CCT8: variants seen among roughly 807,000 people sequenced by gnomAD.
The protein encoded by CCT8 is T-complex protein 1 subunit theta.
CCT8 carries 10 observed loss-of-function variants against 65.7 expected under a neutral mutation model. The ratio of observed to expected loss-of-function variants is 0.15; its 90% CI spans 0.09 to 0.26. CCT8 has a LOEUF of 0.26. Ranked by LOEUF, CCT8 falls within the 10% of genes least tolerant of loss-of-function variation. The pLI, the probability that CCT8 is intolerant of heterozygous loss-of-function variation, is 1.00. For synonymous variants in CCT8, 199 were observed against 221.8 expected (o/e 0.90, Z 0.92); for missense variants, 568 against 669.1 (o/e 0.85, Z 1.67).
intron 3 of CCT8, 54 bp from the exon 4 acceptor site, chr21:29,067,759 A>G: frequency 7.7e-7 from 1 of 1,293,548 alleles, no homozygotes; most frequent in Non-Finnish European, 1.0e-6. Context: ...GCAACATAAA[A>G]TTGTTCATTT....
rs144608548 is a variant in CCT8, at chr21:29,068,151, A to G, written c.232-446T>C. Among the ~76,000 whole-genome samples, 467 of 152,318 alleles carry G rather than the reference A, an allele frequency of 3.1e-3. 4 individuals are homozygous for G. Among genetic ancestry groups the G allele is most frequent in the African/African-American group, 0.011 (439 of 41,570 alleles). On this transcript the variant is annotated intron_variant, in intron 3 of 14. Transcript: ENST00000286788. ...AAGGGTTATCATTTGTGATTTAAAG[A>G]AAAGGGGGAGTATAAAACTTTTCTT... is the stretch of plus-strand genomic sequence containing the variant.
chr21:29,067,108 T>C (rs1414795508), intron 4 of CCT8, 37 bp from the exon 5 acceptor site: 1 of 1,486,182 alleles, frequency 6.7e-7, no homozygotes, highest in South Asian at 1.3e-5. Flanking sequence ...CTGACATGAC[T>C]TAAAGTAGCT....
intron 14 of CCT8, among the ~76,000 whole-genome samples, chr21:29,057,695 C>T (rs1778167470): frequency 2.6e-5 from 2 of 76,220 alleles, no homozygotes; most frequent in South Asian, 5.4e-4. Context: ...ATATATCATA[C>T]ATATATCATA....
chr21:29,073,332 G>C, intron 1 of CCT8, 199 bp downstream of exon 1: 1 of 1,415,826 alleles, frequency 7.1e-7, no homozygotes, highest in South Asian at 1.5e-5. Flanking sequence ...GCCTTCTCCC[G>C]GTCGCGGAAG....
chr21:29,070,342 TAAAA>T lies in CCT8; in HGVS notation c.61-9_61-6del, dbSNP rs535092092. 1.9e-6 allele frequency: 3 copies of T among 1,590,586 alleles called. No individual in the cohort carries two copies. Among genetic ancestry groups the T allele is most frequent in the Admixed American group, 1.8e-5 (1 of 56,842 alleles). On this transcript the variant is annotated splice_polypyrimidine_tract_variant and splice_region_variant and intron_variant, in intron 1 of 14. Coordinates refer to ENST00000286788, the MANE Select transcript of CCT8 (RefSeq NM_006585.4). ...CTCTTCTAATCCTGAAAAGTGCTGT[TAAAA>T]AAAACAAACAAAAAACCCCGCTAAT...
Position 29,062,109 on chromosome 21 carries a change from G to A in CCT8, c.1212+19C>T, listed in dbSNP as rs1191418207. 1 of 1,496,094 alleles carries A rather than the reference G, an allele frequency of 6.7e-7. No individual in the cohort carries two copies. The highest frequency in any genetic ancestry group is 9.3e-7 in the Non-Finnish European group (1 of 1,074,452). 92.7% of individuals were successfully genotyped at this position (1,496,094 alleles called of 1,614,324 possible). Reference sequence around the variant, plus strand: ...TTACTCAGACCTTACAAACTACTAAGAATATTGCTGATACTGACCCTTGTA... The same window carrying A: ...TTACTCAGACCTTACAAACTACTAAAAATATTGCTGATACTGACCCTTGTA... On this transcript the variant is annotated intron_variant, in intron 11 of 14. Coordinates refer to ENST00000286788, the MANE Select transcript of CCT8 (RefSeq NM_006585.4).
chr21:29,071,104 T>A (rs1204527780), intron 1 of CCT8, among the ~76,000 whole-genome samples: 1 of 152,234 alleles, frequency 6.6e-6, no homozygotes, highest in African/African-American at 2.4e-5. Flanking sequence ...CATGAGAACA[T>A]TTCTTTAGAG....
chr21:29,060,678 C>G lies in CCT8; in HGVS notation c.1450-18G>C. The G allele has an allele frequency of 6.2e-7, 1 of 1,611,426 alleles. No homozygotes were observed. Among genetic ancestry groups the G allele is most frequent in the Non-Finnish European group, 8.5e-7 (1 of 1,178,924 alleles). On this transcript the variant is annotated intron_variant, in intron 13 of 14. Coordinates refer to ENST00000286788, the MANE Select transcript of CCT8 (RefSeq NM_006585.4). Reference sequence around the variant, plus strand: ...ACTTCAGCCTGTCAAACACAATTTTCATCCTTTCATTTAAAATCCTTTTAT... The same window carrying G: ...ACTTCAGCCTGTCAAACACAATTTTGATCCTTTCATTTAAAATCCTTTTAT...
intron 14 of CCT8, among the ~76,000 whole-genome samples, chr21:29,057,126 C>T (rs1347566853): frequency 6.7e-6 from 1 of 149,820 alleles, no homozygotes; most frequent in Admixed American, 6.6e-5. Flanking sequence ...AAAAGCGCCA[C>T]AAACCTCACC....
intron 6 of CCT8, among the ~76,000 whole-genome samples, chr21:29,065,496 C>A (rs1381756868): frequency 6.6e-6 from 1 of 152,152 alleles, no homozygotes; most frequent in Non-Finnish European, 1.5e-5. Context: ...GCTGGCAGTA[C>A]GTGGAGGGAG....
chr21:29,073,310 G>A lies in CCT8; in HGVS notation c.60+221C>T, dbSNP rs73344774. On this transcript the variant is annotated intron_variant, in intron 1 of 14. Coordinates refer to ENST00000286788, the MANE Select transcript of CCT8 (RefSeq NM_006585.4). ...CAAGGTGTACAATGTCGATCGTGCC[G>A]CCGATCCCTCGGCCTTCTCCCGGTC... is the stretch of plus-strand genomic sequence containing the variant. The A allele has an allele frequency of 6.9e-4, 970 of 1,401,502 alleles. 3 individuals are homozygous for A. The African/African-American group carries it at 0.013, about 18-fold the overall frequency. The allele number at this position is 1,401,502 out of a possible 1,614,324, so 86.8% of individuals were successfully genotyped here.
At chr21:29,072,895 T>G (rs1358593239) in intron 1 of CCT8, among the ~76,000 whole-genome samples, 1 of 152,234 alleles carries the variant, frequency 6.6e-6, no homozygotes, top group Non-Finnish European at 1.5e-5. Context: ...CACCACCTCT[T>G]GGTCCAATCT....
intron 13 of CCT8, 28 bp from the exon 14 acceptor site, chr21:29,060,688 T>C: frequency 6.2e-7 from 1 of 1,610,866 alleles, no homozygotes; most frequent in Non-Finnish European, 8.5e-7. Context: ...CATCCTTTCA[T>C]TTAAAATCCT....
At chr21:29,064,388 C>T (rs1272529248) in intron 7 of CCT8, among the ~76,000 whole-genome samples, 3 of 123,034 alleles carry the variant, frequency 2.4e-5, no homozygotes, top group Non-Finnish European at 4.8e-5. Context: ...GGACTCAAGC[C>T]TGGGTGACAA....
intron 1 of CCT8, 100 bp downstream of exon 1, chr21:29,073,431 G>C: frequency 1.9e-6 from 3 of 1,592,410 alleles, no homozygotes; most frequent in South Asian, 2.2e-5. Context: ...CGCTGAGCCA[G>C]GGCAGCACGC....
chr21:29,068,170 T>A (rs754708066), intron 3 of CCT8, among the ~76,000 whole-genome samples: 1 of 152,210 alleles, frequency 6.6e-6, no homozygotes, highest in Non-Finnish European at 1.5e-5. Flanking sequence ...AGTATAAAAC[T>A]TTTCTTCAAA....
rs2085563816 is a variant in CCT8 at position 29,061,517 on chromosome 21, T to A, written c.1263A>T (p.Lys421Asn). 6.2e-7 allele frequency: 1 copy of A among 1,613,890 alleles called. No individual in the cohort carries two copies. Among genetic ancestry groups the A allele is most frequent in the Non-Finnish European group, 8.5e-7 (1 of 1,179,922 alleles). Reference protein sequence around the residue: ...GGGATEIELAKQITSYGETCP... With the variant: ...GGGATEIELANQITSYGETCP... ...GTACCTCTCCATATGATGTGATCTG[T>A]TTGGCTAATTCAATTTCTGTTGCTC... Residue 421 changes from lysine to asparagine, a missense_variant, in exon 12 of 15, where the codon AAA (lysine) becomes AAT (asparagine). Lys to Asn is a moderately conservative substitution (Grantham distance 94). Transcript: ENST00000286788.
rs759533265 is a variant in CCT8, at chr21:29,066,802, A to G, written c.563-25T>C. On this transcript the variant is annotated intron_variant, in intron 5 of 14. Coordinates refer to ENST00000286788, the MANE Select transcript of CCT8 (RefSeq NM_006585.4). The stretch of plus-strand genomic sequence containing the variant: ...ACTGTTAAGAAAATGAGACATATCA[A>G]AAGATTATTTTGGGACAACAGAGAA... 7 of 1,592,160 alleles carry G rather than the reference A, an allele frequency of 4.4e-6. No homozygotes were observed. The East Asian group carries it at 6.7e-5, about 15-fold the overall frequency.
intron 3 of CCT8, among the ~76,000 whole-genome samples, chr21:29,068,771 ATAT>A (rs1174729327): frequency 6.6e-6 from 1 of 152,214 alleles, no homozygotes; most frequent in Non-Finnish European, 1.5e-5. Context: ...AACCAAAAAT[ATAT>A]TATTTAAGAG....
Sources: allele counts gnomAD v4.1 joint callset (sites outside exome capture counted in the v4.1 genomes callset), GRCh38; gene constraint gnomAD v4.1.1; transcripts MANE v1.5; gene names NCBI Gene and HGNC (gene_info 2026-07-23, HGNC 2026-07-21).